The following DMD variants were observed in gnomAD, a reference collection of about 807,000 sequenced individuals.
DMD encodes dystrophin, also known as mutant dystrophin.
DMD carries 63 observed loss-of-function variants against 330.1 expected under a neutral mutation model. That is an observed-to-expected ratio of 0.19 (90% CI 0.16 to 0.24). The LOEUF (loss-of-function observed/expected upper bound fraction) is 0.24, where lower values mean the gene tolerates loss of function less well. DMD is among the 10% of genes least tolerant of loss of function. DMD has a pLI of 1.00. For synonymous variants in DMD, 1,223 were observed against 959.8 expected, an observed-to-expected ratio of 1.27 and a Z score of -5.07; for missense variants, 3,344 against 2,684.1, an observed-to-expected ratio of 1.25 and a Z score of -5.43.
chrX:32,762,735 GCAGGGGACAGATCACA>G (rs1310623043), intron 7 of DMD, among the ~76,000 whole-genome samples: 1 of 110,650 alleles, frequency 9.0e-6, no homozygotes, highest in Non-Finnish European at 1.9e-5. Context: ...CAAGAAGCAA[GCAGGGGACAGATCACA>G]CAGGGTCTTG....
intron 42 of DMD, among the ~76,000 whole-genome samples, chrX:32,306,878 T>G (rs190722107): frequency 1.9e-3 from 212 of 111,196 alleles, no homozygotes; most frequent in African/African-American, 6.9e-3. Flanking sequence ...TTGATTCTCA[T>G]TATTGCAAAA....
chrX:33,297,147 A>T (rs1244927368), intron 1 of DMD, among the ~76,000 whole-genome samples: 2 of 111,564 alleles, frequency 1.8e-5, no homozygotes, highest in Non-Finnish European at 3.8e-5. Context: ...GTATATGCCA[A>T]ATTGTGAATG....
chrX:31,396,562 T>G (rs1293488253), intron 60 of DMD, among the ~76,000 whole-genome samples: 97 of 98,240 alleles, frequency 9.9e-4, no homozygotes, highest in African/African-American at 3.8e-3. Context: ...TTTTTTTTTT[T>G]TTTTTTTTTT....
Position 32,130,007 on chromosome X carries a change from C to A in DMD, c.6438+86909G>T, listed in dbSNP as rs1349451293. Among the ~76,000 whole-genome samples the A allele has an allele frequency of 4.9e-5, 5 of 102,112 alleles. No individual in the cohort carries two copies. In the South Asian group the frequency reaches 1.4e-3, roughly 28 times the overall value. 88.7% of individuals were successfully genotyped at this position (102,112 alleles called of 115,157 possible). On this transcript the variant is annotated intron_variant, in intron 44 of 78. Transcript: ENST00000357033. Reference sequence around the variant, plus strand: ...TTTTTTTTTTTTTTGGTCCCAGAAACCTTTAAGTCTTTTTAAGCTGGCTTT... The same window carrying A: ...TTTTTTTTTTTTTTGGTCCCAGAAAACTTTAAGTCTTTTTAAGCTGGCTTT...
At chrX:32,863,535 TATACAC>T (rs1159515345) in intron 2 of DMD, among the ~76,000 whole-genome samples, 3 of 16,513 alleles carry the variant, frequency 1.8e-4, no homozygotes, top group Admixed American at 1.0e-3. Context: ...AGATTGTGTT[TATACAC>T]ACACACACAC....
chrX:31,224,886 C>G (rs1243520564), intron 63 of DMD, among the ~76,000 whole-genome samples: 1 of 111,970 alleles, frequency 8.9e-6, no homozygotes, highest in Non-Finnish European at 1.9e-5. Context: ...AAGCCAGGCA[C>G]AAAACAGTAC....
chrX:31,916,556 TAGAAG>T (rs2094610775), intron 47 of DMD, among the ~76,000 whole-genome samples: 1 of 112,036 alleles, frequency 8.9e-6, no homozygotes, highest in African/African-American at 3.3e-5. Flanking sequence ...AAAGTGATTT[TAGAAG>T]ATCATTATTA....
At chrX:32,872,688 G>A (rs767508727) in intron 2 of DMD, among the ~76,000 whole-genome samples, 6 of 112,276 alleles carry the variant, frequency 5.3e-5, no homozygotes, top group Non-Finnish European at 9.4e-5. Context: ...ATTACAGATA[G>A]CAGGCACAAG....
chrX:32,220,005 G>A (rs1023609968), intron 43 of DMD, among the ~76,000 whole-genome samples: 1 of 111,069 alleles, frequency 9.0e-6, no homozygotes, highest in African/African-American at 3.3e-5. Context: ...GAAGAAAACC[G>A]TAAGGGTTCA....
intron 43 of DMD, among the ~76,000 whole-genome samples, chrX:32,249,439 G>C (rs1191010527): frequency 8.9e-6 from 1 of 111,863 alleles, no homozygotes; most frequent in Non-Finnish European, 1.9e-5. Context: ...TAATTTCAAA[G>C]AATCTTGAAA....
intron 43 of DMD, among the ~76,000 whole-genome samples, chrX:32,231,062 TCAAA>T (rs2097167438): frequency 8.9e-6 from 1 of 112,277 alleles, no homozygotes; most frequent in Non-Finnish European, 1.9e-5. Context: ...CCTTTAAGGC[TCAAA>T]CATTTTACTA....
rs746743136 is a variant in DMD, at chrX:32,912,198, G to C, written c.94-62378C>G. Among the ~76,000 whole-genome samples, 4 of 110,958 alleles carry C rather than the reference G, an allele frequency of 3.6e-5. No homozygotes were observed. The South Asian group carries it at 1.6e-3, about 43-fold the overall frequency. On this transcript the variant is annotated intron_variant, in intron 2 of 78. Coordinates refer to ENST00000357033, the MANE Select transcript of DMD (RefSeq NM_004006.3). ...GCTATAGTGGGCCTATCTGGTTGGA[G>C]GGGGGACATCAAAGCATATGCAGCT...
rs16990293 is a variant in DMD, at chrX:32,386,035, G to C, written c.4674+275C>G. ...CAGGAAAAACCTCCCTGAGCGTTAC[G>C]TATTTTTCAATCTGAATAAGCAGAG... On this transcript the variant is annotated intron_variant, in intron 33 of 78. Transcript: ENST00000357033. Among the ~76,000 whole-genome samples the C allele has an allele frequency of 0.16, 17,760 of 109,246 alleles. 1,408 individuals are homozygous for C. Among genetic ancestry groups the C allele is most frequent in the African/African-American group, 0.3 (9,117 of 30,058 alleles). The allele number at this position is 109,246 out of a possible 115,157, so 94.9% of individuals were successfully genotyped here.
At chrX:32,745,990 A>C (rs1488284502) in intron 7 of DMD, among the ~76,000 whole-genome samples, 1 of 112,144 alleles carries the variant, frequency 8.9e-6, no homozygotes, top group African/African-American at 3.2e-5. Context: ...AGAACTTTTA[A>C]ATTGTTAAAC....
chrX:32,945,806 A>G (rs1290528979), intron 2 of DMD, among the ~76,000 whole-genome samples: 1 of 111,566 alleles, frequency 9.0e-6, no homozygotes, highest in Non-Finnish European at 1.9e-5. Flanking sequence ...TTTACCTACA[A>G]TGAAGGATGT....
Position 31,120,762 on chromosome X carries a change from AAATACCTTCTGATGTTCACAAGGTCAG to A in DMD, c.*1130_*1156del, listed in dbSNP as rs1003825974. Reference sequence around the variant, plus strand: ...GTCCTGCTACTGCTTGGGAGTTAAAAAATACCTTCTGATGTTCACAAGGTCAGAATACCTTCTGATTGATTTCCACTG... The same window carrying A: ...GTCCTGCTACTGCTTGGGAGTTAAAAAATACCTTCTGATTGATTTCCACTG... On this transcript the variant is annotated 3_prime_UTR_variant, in exon 79 of 79. Coordinates refer to ENST00000357033, the MANE Select transcript of DMD (RefSeq NM_004006.3). The A allele has an allele frequency of 5.4e-5, 6 of 110,542 alleles. No individual in the cohort carries two copies. The highest frequency in any genetic ancestry group is 2.0e-4 in the African/African-American group (6 of 30,423). The allele number at this position is 110,542 out of a possible 1,213,427, so 9.1% of individuals were successfully genotyped here.
intron 1 of DMD, among the ~76,000 whole-genome samples, chrX:33,314,507 C>G (rs1603430093): frequency 9.4e-6 from 1 of 106,741 alleles, no homozygotes; most frequent in Non-Finnish European, 1.9e-5. Context: ...ATCCGTCCAC[C>G]TTGGCCTCGC....
At chrX:32,967,453 G>C (rs1185702013) in intron 2 of DMD, among the ~76,000 whole-genome samples, 1 of 111,988 alleles carries the variant, frequency 8.9e-6, no homozygotes. Context: ...AAATGAAATA[G>C]ACATGCCTCA....
chrX:31,847,887 A>G (rs1329265903), intron 48 of DMD, among the ~76,000 whole-genome samples: 1 of 111,866 alleles, frequency 8.9e-6, no homozygotes, highest in African/African-American at 3.2e-5. Flanking sequence ...TCCTACAAAG[A>G]AAGTTTTATC....
Sources: allele counts gnomAD v4.1 joint callset (sites outside exome capture counted in the v4.1 genomes callset), GRCh38; gene constraint gnomAD v4.1.1; transcripts MANE v1.5; gene names NCBI Gene and HGNC (gene_info 2026-07-23, HGNC 2026-07-21).